GFRA3: variants seen among roughly 807,000 people sequenced by gnomAD.
GFRA3 encodes GDNF family receptor alpha 3.
GFRA3 carries 24 observed loss-of-function variants against 40.0 expected under a neutral mutation model. The observed-to-expected ratio is 0.60, with a 90% CI of 0.43 to 0.84. GFRA3 has a LOEUF of 0.84. Among genes scored for constraint, GFRA3 ranks in the 40% least tolerant of loss-of-function variants. GFRA3 has a pLI of 0.00. For synonymous variants in GFRA3, 203 were observed against 213.5 expected (o/e 0.95, Z 0.43); for missense variants, 405 against 530.6 (o/e 0.76, Z 2.33).
chr5:138,253,865 T>G lies in GFRA3; in HGVS notation c.925A>C (p.Asn309His). The stretch of plus-strand genomic sequence containing the variant: ...GTGCAGCTTAAGGCAACACTGGTGT[T>G]GACATTGCTGACAAAGTTGGGGGTC... ...AMTPNFVSNVNTSVALSCTCR... is the reference protein window; with the variant it reads ...AMTPNFVSNVHTSVALSCTCR... Residue 309 changes from asparagine (N) to histidine (H), a missense_variant, in exon 6 of 8, where the codon AAC becomes CAC. Asn to His is a moderately conservative substitution (Grantham distance 68). Transcript: ENST00000274721. The G allele has an allele frequency of 1.2e-6, 2 of 1,614,102 alleles. No individual in the cohort carries two copies. Among genetic ancestry groups the G allele is most frequent in the Non-Finnish European group, 1.7e-6 (2 of 1,179,968 alleles).
chr5:138,266,776 G>T (rs1462123402), intron 1 of GFRA3, among the ~76,000 whole-genome samples: 1 of 151,688 alleles, frequency 6.6e-6, no homozygotes, highest in African/African-American at 2.4e-5. Flanking sequence ...CTGCCTCCTG[G>T]GCTCAAGCGA....
chr5:138,255,258 A>G (rs1755611118), intron 4 of GFRA3, among the ~76,000 whole-genome samples: 1 of 152,168 alleles, frequency 6.6e-6, no homozygotes, highest in Non-Finnish European at 1.5e-5. Context: ...AAATGTTAGT[A>G]TTATGATTAT....
At chr5:138,254,264 T>TGCAACCTCTGCCTCCCA (rs1488289949) in intron 4 of GFRA3, 104 bp from the exon 5 acceptor site, 3 of 689,840 alleles carry the variant, frequency 4.3e-6, no homozygotes, top group African/African-American at 3.6e-5. Context: ...CTTGGCTCAC[T>TGCAACCTCTGCCTCCCA]GCAACCTCTG....
At chr5:138,254,247 G>T in intron 4 of GFRA3, 87 bp from the exon 5 acceptor site, 1 of 778,088 alleles carries the variant, frequency 1.3e-6, no homozygotes. Context: ...GAGTGCAGTA[G>T]CTCAATCTTG....
At chr5:138,257,452 G>GA (rs1415419598) in intron 4 of GFRA3, among the ~76,000 whole-genome samples, 187 bp downstream of exon 4, 5 of 151,708 alleles carry the variant, frequency 3.3e-5, no homozygotes, top group Admixed American at 2.0e-4. Context: ...TTACAGCAAA[G>GA]AAAAAAAAGA....
At chr5:138,264,006 C>A (rs752196242) in intron 2 of GFRA3, among the ~76,000 whole-genome samples, 1 of 152,154 alleles carries the variant, frequency 6.6e-6, no homozygotes, top group Non-Finnish European at 1.5e-5. Flanking sequence ...GGGCCTCAGC[C>A]TGGTTCACAG....
intron 1 of GFRA3, among the ~76,000 whole-genome samples, 181 bp downstream of exon 1, chr5:138,274,153 T>C (rs1211219844): frequency 6.6e-6 from 1 of 152,204 alleles, no homozygotes; most frequent in African/African-American, 2.4e-5. Context: ...GTTCGTACAC[T>C]GTGTTAGGTG....
rs755180171 is a variant in GFRA3, at chr5:138,254,171, G to A, written c.786-11C>T. ...TCCACCAGGCGTGATCTGGAAGAAG[G>A]GAAATTTCTGTCTTTCTTTTTTTTT... On this transcript the variant is annotated splice_polypyrimidine_tract_variant and intron_variant, in intron 4 of 7. Coordinates refer to ENST00000274721, the MANE Select transcript of GFRA3 (RefSeq NM_001496.4). The A allele has an allele frequency of 1.3e-6, 2 of 1,491,778 alleles. No individual in the cohort carries two copies. The highest frequency in any genetic ancestry group is 1.7e-5 in the Admixed American group (1 of 58,772). The allele number at this position is 1,491,778 out of a possible 1,614,324, so 92.4% of individuals were successfully genotyped here.
chr5:138,256,193 T>C (rs986179264), intron 4 of GFRA3, among the ~76,000 whole-genome samples: 1 of 145,450 alleles, frequency 6.9e-6, no homozygotes, highest in Non-Finnish European at 1.5e-5. Flanking sequence ...ATCGCACCAC[T>C]GCACTCCAGC....
In GFRA3 at chr5:138,253,801, A is replaced by G; in HGVS notation, c.989T>C (p.Met330Thr). 1 of 1,613,904 alleles carries G rather than the reference A, an allele frequency of 6.2e-7. No individual in the cohort carries two copies. Among genetic ancestry groups the G allele is most frequent in the Non-Finnish European group, 8.5e-7 (1 of 1,179,946 alleles). ...GTTGTGGGAGAAGAACCCTTCCAGC[A>G]TTTCACACTCCTCCTGCAGGTTGCC... Reference protein sequence around the residue: ...GSGNLQEECEMLEGFFSHNPC... With the variant: ...GSGNLQEECETLEGFFSHNPC... Residue 330 changes from methionine (M) to threonine (T), a missense_variant, in exon 6 of 8, where the codon ATG (methionine) becomes ACG (threonine). Coordinates refer to ENST00000274721, the MANE Select transcript of GFRA3 (RefSeq NM_001496.4).
chr5:138,253,356 CT>C lies in GFRA3; in HGVS notation c.1043del (p.Lys348ArgfsTer20). 1 of 1,600,852 alleles carries C rather than the reference CT, an allele frequency of 6.2e-7. No homozygotes were observed. Among genetic ancestry groups the C allele is most frequent in the Non-Finnish European group, 8.5e-7 (1 of 1,172,692 alleles). On this transcript the variant is annotated frameshift_variant, in exon 7 of 8. Transcript: ENST00000274721. LOFTEE classifies it high-confidence loss of function. ...NPCLTEAIAAKMRFHSQLFSQ... is the reference protein window; with the variant it reads ...NPCLTEAIAAXMRFHSQLFSQ... Reference sequence around the variant, plus strand: ...AGAAGAGTTGGCTGTGAAAACGCATCTTAGCTGCAATGGCCTCCGCTGAAGA... The same window carrying C: ...AGAAGAGTTGGCTGTGAAAACGCATCTAGCTGCAATGGCCTCCGCTGAAGA...
chr5:138,260,660 CTGGGAGGCTGAGG>C (rs1755697004), intron 2 of GFRA3, among the ~76,000 whole-genome samples: 1 of 151,926 alleles, frequency 6.6e-6, no homozygotes, highest in African/African-American at 2.4e-5. Flanking sequence ...TCCCAGCTAC[CTGGGAGGCTGAGG>C]TGGGAGAATC....
In GFRA3 at chr5:138,264,534, T is replaced by G. The variant is rs778919927; in HGVS notation, c.106A>C (p.Thr36Pro). Residue 36 changes from threonine to proline, a missense_variant, in exon 2 of 8, where the codon ACA becomes CCA. Physicochemically the swap from Thr to Pro is conservative, Grantham distance 38 (BLOSUM62 -1). Transcript: ENST00000274721. ...CAGCTGTTCATGAGTCGGCTTTCTG[T>G]GGGAAGGGGGTCTCCTGTAAAGGGA... ...LPLAAGDPLP[T>P]ESRLMNSCLQ... 24 of 1,604,886 alleles carry G rather than the reference T, an allele frequency of 1.5e-5. No homozygotes were observed. Among genetic ancestry groups the G allele is most frequent in the Non-Finnish European group, 2.0e-5 (23 of 1,174,824 alleles).
chr5:138,258,059 T>C (rs1166511816), intron 3 of GFRA3, 108 bp from the exon 4 acceptor site: 3 of 863,884 alleles, frequency 3.5e-6, no homozygotes, highest in East Asian at 2.6e-5. Context: ...GTAGTGGATA[T>C]AGGAGGAAAA....
At chr5:138,260,496 C>T (rs1461876528) in intron 2 of GFRA3, among the ~76,000 whole-genome samples, 7 of 152,168 alleles carry the variant, frequency 4.6e-5, no homozygotes, top group African/African-American at 4.8e-5. Flanking sequence ...GTGCCGGGCA[C>T]GGTGGCTCAC....
rs1050296077 is a variant in GFRA3, at chr5:138,253,004, G to A, written c.1167C>T (p.Cys389=). ...PQPWVPSLFS[C]TLPLILLLSL... ...TCAGGAGCAGAATCAAGGGAAGCGT[G>A]CAGGAGAAAAGAGAGGGCACCCAGG... The change falls in exon 8 of 8, where the codon TGC becomes TGT. Residue 389 remains cysteine, a synonymous_variant. Coordinates refer to ENST00000274721, the MANE Select transcript of GFRA3 (RefSeq NM_001496.4). The A allele has an allele frequency of 6.2e-7, 1 of 1,609,364 alleles. No homozygotes were observed. Among genetic ancestry groups the A allele is most frequent in the Non-Finnish European group, 8.5e-7 (1 of 1,176,066 alleles).
chr5:138,271,907 T>TGTGTGTGTGTG (rs61112096), intron 1 of GFRA3, among the ~76,000 whole-genome samples: 272 of 98,474 alleles, frequency 2.8e-3, no homozygotes, highest in South Asian at 9.4e-3. Flanking sequence ...TTTTTTTTTT[T>TGTGTGTGTGTG]TTTTTTTGTG....
intron 1 of GFRA3, among the ~76,000 whole-genome samples, chr5:138,265,829 G>A (rs909404926): frequency 1.3e-5 from 2 of 152,096 alleles, no homozygotes; most frequent in African/African-American, 4.8e-5. Context: ...CTGAGTAGTT[G>A]GGACTACAGG....
chr5:138,257,860 C>T lies in GFRA3; in HGVS notation c.564G>A (p.Gly188=), dbSNP rs768991224. ...GGCAGACGTGGCGCTGGCAGTGGGG[C>T]CCGGAGCACGCCTCCCCGTAGGCCT... The part of the protein sequence containing the change: ...LRKAYGEACS[G]PHCQRHVCLR... Residue 188 remains glycine, a synonymous_variant, in exon 4 of 8, where the codon GGG becomes GGA. Transcript: ENST00000274721. The T allele has an allele frequency of 1.4e-4, 228 of 1,613,766 alleles. No homozygotes were observed. Among genetic ancestry groups the T allele is most frequent in the Non-Finnish European group, 1.9e-4 (225 of 1,179,918 alleles).
Sources: allele counts gnomAD v4.1 joint callset (sites outside exome capture counted in the v4.1 genomes callset), GRCh38; gene constraint gnomAD v4.1.1; transcripts MANE v1.5; gene names NCBI Gene and HGNC (gene_info 2026-07-23, HGNC 2026-07-21).